TRPM1: variants seen among roughly 807,000 people sequenced by gnomAD.
The protein encoded by TRPM1 is transient receptor potential cation channel subfamily M member 1.
A neutral mutation model predicts 149.4 loss-of-function variants in TRPM1; 113 were observed. That is an observed-to-expected ratio of 0.76 (90% CI 0.65 to 0.88). The LOEUF is 0.88. TRPM1 is among the 40% of genes least tolerant of loss of function. The pLI is 0.00. For missense variants in TRPM1, 1,976 were observed against 2,038.7 expected, an observed-to-expected ratio of 0.97 and a Z score of 0.59; for synonymous variants, 741 against 759.5, an observed-to-expected ratio of 0.98 and a Z score of 0.40.
chr15:31,113,600 A>G (rs892517394), intron 1 of TRPM1, among the ~76,000 whole-genome samples: 1 of 152,182 alleles, frequency 6.6e-6, no homozygotes, highest in South Asian at 2.1e-4. Flanking sequence ...GGTTTGTTAC[A>G]CAAGTAAACT....
At chr15:31,065,309 C>T (rs921601239) in intron 7 of TRPM1, among the ~76,000 whole-genome samples, 8 of 152,192 alleles carry the variant, frequency 5.3e-5, no homozygotes, top group Non-Finnish European at 1.0e-4. Context: ...CAGTCCCATA[C>T]ATGATGATTC....
chr15:31,115,573 G>T (rs957367502), intron 1 of TRPM1, among the ~76,000 whole-genome samples: 1 of 152,122 alleles, frequency 6.6e-6, no homozygotes, highest in Non-Finnish European at 1.5e-5. Flanking sequence ...GATGGTAAAG[G>T]TTCCAGAGAT....
At chr15:31,045,136 C>T (rs1313126075) in intron 16 of TRPM1, among the ~76,000 whole-genome samples, 1 of 152,114 alleles carries the variant, frequency 6.6e-6, no homozygotes, top group Non-Finnish European at 1.5e-5. Context: ...AAGCTCATAA[C>T]CCTTCCAGGA....
chr15:31,037,895 A>G, intron 19 of TRPM1, 53 bp from the exon 20 acceptor site: 1 of 1,613,742 alleles, frequency 6.2e-7, no homozygotes, highest in Non-Finnish European at 8.5e-7. Context: ...GGGAAATGCA[A>G]GGCACTCCGG....
rs1156528656 is a variant in TRPM1 at position 31,089,768 on chromosome 15, TC to T, written c.-83-8331del. On this transcript the variant is annotated intron_variant, in intron 1 of 27. Transcript: ENST00000256552. ...GACTTGTAATAGGTTAGTATCATTT[TC>T]CTCAACATGGTGTCCCCAAAGTGCA... Among the ~76,000 whole-genome samples, 6 of 152,322 alleles carry T rather than the reference TC, an allele frequency of 3.9e-5. No homozygotes were observed. In the East Asian group the frequency reaches 1.2e-3, roughly 29 times the overall value.
intron 1 of TRPM1, among the ~76,000 whole-genome samples, chr15:31,135,458 G>A (rs1221609997): frequency 2.6e-5 from 4 of 152,046 alleles, no homozygotes; most frequent in Non-Finnish European, 5.9e-5. Context: ...AAAAGAGAAT[G>A]ATCCATCCTA....
rs766173103 is a variant in TRPM1, at chr15:31,037,767, C to T, written c.2515G>A (p.Gly839Arg). The T allele has an allele frequency of 1.1e-5, 17 of 1,614,046 alleles. No individual in the cohort carries two copies. Among genetic ancestry groups the T allele is most frequent in the South Asian group, 2.2e-5 (2 of 91,082 alleles). Residue 839 changes from glycine (G) to arginine (R), a missense_variant, in exon 20 of 28, where the codon GGA (glycine) becomes AGA (arginine). Coordinates refer to ENST00000256552, the MANE Select transcript of TRPM1 (RefSeq NM_001252024.2). ...EHKKQRSIPI[G>R]TKICEFYNAP... ...TTATAGAATTCACAGATCTTTGTTCCGATGGGAATACTTCTCTGTTTTTTG... is the reference window on the plus strand; with the variant it reads ...TTATAGAATTCACAGATCTTTGTTCTGATGGGAATACTTCTCTGTTTTTTG...
At chr15:31,004,443 T>G (rs1406221799) in intron 27 of TRPM1, among the ~76,000 whole-genome samples, 6 of 152,096 alleles carry the variant, frequency 3.9e-5, no homozygotes, top group Non-Finnish European at 8.8e-5. Flanking sequence ...AGAGTTTTTT[T>G]TTTGCTAATG....
chr15:31,026,262 A>G lies in TRPM1; in HGVS notation c.3506T>C (p.Leu1169Pro). The G allele has an allele frequency of 1.2e-6, 2 of 1,610,890 alleles. No homozygotes were observed. The highest frequency in any genetic ancestry group is 1.7e-6 in the Non-Finnish European group (2 of 1,180,018). ...CAGCCTCTTTAGCTCCTCGTCGCTA[A>G]GGAAGAGCTCTGTGTGAAGGGAGAA... ...EERDRGLKLF[L>P]SDEELKRLHE... The change falls in exon 27 of 28, where the codon CTT becomes CCT. Residue 1169 changes from leucine to proline, a missense_variant. By Grantham distance (98) the Leu-to-Pro change is moderately conservative (BLOSUM62 -3). Transcript: ENST00000256552.
chr15:31,016,100 T>A (rs1448924433), intron 27 of TRPM1, among the ~76,000 whole-genome samples: 1 of 152,226 alleles, frequency 6.6e-6, no homozygotes, highest in African/African-American at 2.4e-5. Context: ...GTCAGGGACC[T>A]CAGCCATTGC....
At chr15:31,113,797 C>A (rs2338855) in intron 1 of TRPM1, among the ~76,000 whole-genome samples, 3 of 151,684 alleles carry the variant, frequency 2.0e-5, no homozygotes, top group South Asian at 2.1e-4. Context: ...GGCAAGGACC[C>A]ACAGTTAGCA....
intron 1 of TRPM1, among the ~76,000 whole-genome samples, chr15:31,146,575 A>G (rs1474409875): frequency 1.3e-5 from 2 of 152,252 alleles, no homozygotes; most frequent in Admixed American, 6.5e-5. Flanking sequence ...AGTCAGCATG[A>G]TAATGAAGTT....
intron 7 of TRPM1, 62 bp from the exon 8 acceptor site, chr15:31,063,354 T>A: frequency 6.2e-7 from 1 of 1,606,112 alleles, no homozygotes; most frequent in Middle Eastern, 1.7e-4. Context: ...CCAGTCGTTT[T>A]AACTCCTGAA....
chr15:31,028,224 A>G (rs1401918707), intron 25 of TRPM1, 108 bp downstream of exon 25: 1 of 1,453,214 alleles, frequency 6.9e-7, no homozygotes, highest in Non-Finnish European at 9.6e-7. Flanking sequence ...AAAAACCCTA[A>G]TGAAATTATC....
Position 31,031,108 on chromosome 15 carries a change from C to G in TRPM1, c.3002G>C (p.Ser1001Thr), listed in dbSNP as rs2033049089. The G allele has an allele frequency of 1.9e-6, 3 of 1,614,094 alleles. No individual in the cohort carries two copies. Among genetic ancestry groups the G allele is most frequent in the Non-Finnish European group, 2.5e-6 (3 of 1,180,036 alleles). The change falls in exon 23 of 28, where the codon AGT (serine) becomes ACT (threonine). Residue 1001 changes from serine (S) to threonine (T), a missense_variant. Transcript: ENST00000256552. ...AATGGCTTGACGGGCTACTCCGAAA[C>G]TCATGAGCACGACCAGCATGATGAC... ...FVVIMLVVLM[S>T]FGVARQAILH...
intron 27 of TRPM1, among the ~76,000 whole-genome samples, chr15:31,013,605 T>G (rs1039939422): frequency 6.6e-6 from 1 of 152,200 alleles, no homozygotes; most frequent in Non-Finnish European, 1.5e-5. Context: ...TTTCTTTGCA[T>G]GTTTTGTCAT....
intron 27 of TRPM1, 142 bp from the exon 28 acceptor site, chr15:31,003,212 C>G (rs2031859124): frequency 2.8e-6 from 2 of 727,030 alleles, no homozygotes; most frequent in African/African-American, 3.6e-5. Flanking sequence ...TTCACAATCC[C>G]CTAACATGAC....
intron 3 of TRPM1, 93 bp from the exon 4 acceptor site, chr15:31,070,319 G>A (rs1360212294): frequency 9.7e-6 from 12 of 1,242,064 alleles, no homozygotes; most frequent in Non-Finnish European, 1.4e-5. Context: ...GGTGAGTTGG[G>A]CCCAAACAGG....
intron 1 of TRPM1, among the ~76,000 whole-genome samples, chr15:31,098,753 G>A (rs1481075046): frequency 6.6e-6 from 1 of 152,034 alleles, no homozygotes; most frequent in Non-Finnish European, 1.5e-5. Flanking sequence ...ACCCACCCTG[G>A]GGGAGCAGAC....
Sources: gnomAD v4.1 joint callset for allele counts (sites outside exome capture counted in the v4.1 genomes callset) on GRCh38, gnomAD v4.1.1 for gene constraint, MANE v1.5 for transcripts, NCBI Gene and HGNC (gene_info 2026-07-23, HGNC 2026-07-21) for gene names.